The following ENTPD6 variants were observed in gnomAD, a reference collection of about 807,000 sequenced individuals.
ENTPD6 encodes the protein ectonucleoside triphosphate diphosphohydrolase 6, also known as CD39 antigen-like 2.
A neutral mutation model predicts 61.5 loss-of-function variants in ENTPD6; 46 were observed. The observed-to-expected ratio is 0.75, with a 90% confidence interval of 0.59 to 0.96. ENTPD6 has a LOEUF of 0.96. ENTPD6 is among the 40% of genes least tolerant of loss of function. The pLI is 0.00. For synonymous variants in ENTPD6, 252 were observed against 255.5 expected (o/e 0.99, Z 0.13); for missense variants, 612 against 629.0 (o/e 0.97, Z 0.29).
Position 25,215,090 on chromosome 20 carries a change from G to C in ENTPD6, c.673+148G>C, listed in dbSNP as rs1171378594. 2.3e-5 allele frequency: 14 copies of C among 615,326 alleles called. No homozygotes were observed. The East Asian group carries it at 3.8e-4, about 17-fold the overall frequency. 38.1% of individuals were successfully genotyped at this position (615,326 alleles called of 1,614,324 possible). On this transcript the variant is annotated intron_variant, in intron 6 of 14. Transcript: ENST00000376652. ...GATGCTCAAGTAAAGAATCATGGCT[G>C]TTACAGCCCCGTTCTGATTCACAAT...
At position 25,214,929 on chromosome 20, in the gene ENTPD6, C is replaced by T. The variant is rs146741054; in HGVS notation, c.660C>T (p.Asn220=). The T allele has an allele frequency of 6.1e-5, 98 of 1,608,576 alleles. 1 individual carries two copies. The highest frequency in any genetic ancestry group is 1.7e-4 in the Middle Eastern group (1 of 6,040). ...GGGATGACTGTGTTTCCATCATGAA[C>T]GGAACAGATGAAGGTAAATGGCTGG... is the stretch of plus-strand genomic sequence containing the variant. ...LVGDDCVSIM[N]GTDEGVSAWI... Residue 220 remains asparagine (N), a synonymous_variant, in exon 6 of 15, where the codon AAC becomes AAT. Transcript: ENST00000376652.
At chr20:25,217,737 C>T (rs2092397865) in intron 9 of ENTPD6, among the ~76,000 whole-genome samples, 156 bp downstream of exon 9, 1 of 152,082 alleles carries the variant, frequency 6.6e-6, no homozygotes, top group Non-Finnish European at 1.5e-5. Context: ...CCTTCTCCCG[C>T]CTCCTCTGCC....
intron 1 of ENTPD6, chr20:25,196,364 G>T (rs1039826147): frequency 3.0e-5 from 12 of 398,308 alleles, no homozygotes; most frequent in Non-Finnish European, 4.1e-5. Context: ...TGCCCGAGCT[G>T]ACCTGTGAGC....
At position 25,216,642 on chromosome 20, in the gene ENTPD6, C is replaced by A; in HGVS notation, c.710-6C>A. On this transcript the variant is annotated splice_region_variant and splice_polypyrimidine_tract_variant and intron_variant, in intron 7 of 14. Coordinates refer to ENST00000376652, the MANE Select transcript of ENTPD6 (RefSeq NM_001247.5). ...CCCTGTGCTGTTTTTGCTTGCTGTG[C>A]TCCAGGCAGCTTGAAAACTCCAGGA... The A allele has an allele frequency of 6.3e-7, 1 of 1,596,420 alleles. No individual in the cohort carries two copies. The highest frequency in any genetic ancestry group is 8.5e-7 in the Non-Finnish European group (1 of 1,171,566).
chr20:25,217,640 G>A, intron 9 of ENTPD6, 59 bp downstream of exon 9: 2 of 1,411,686 alleles, frequency 1.4e-6, no homozygotes, highest in Non-Finnish European at 2.0e-6. Context: ...AGCTCCCAGG[G>A]CCTCGCATGG....
chr20:25,225,413 C>A, intron 14 of ENTPD6, 86 bp from the exon 15 acceptor site: 1 of 1,579,692 alleles, frequency 6.3e-7, no homozygotes, highest in Non-Finnish European at 8.6e-7. Flanking sequence ...CCAGCCCATC[C>A]CTGGCTTCCA....
In ENTPD6 at chr20:25,196,125, C is replaced by A. The variant is rs2090374446; in HGVS notation, c.-16+258C>A. 6 of 1,203,616 alleles carry A rather than the reference C, an allele frequency of 5.0e-6. No individual in the cohort carries two copies. In the South Asian group the frequency reaches 2.6e-4, roughly 52 times the overall value. The allele number at this position is 1,203,616 out of a possible 1,614,324, so 74.6% of individuals were successfully genotyped here. On this transcript the variant is annotated intron_variant, in intron 1 of 14. Transcript: ENST00000376652. ...AGCAGGGGCCTGTAGCCCCAGGGGG[C>A]CCCAGCCCTGCTGCGTTCATTCATT...
chr20:25,214,668 C>A, intron 5 of ENTPD6, 199 bp from the exon 6 acceptor site: 1 of 580,182 alleles, frequency 1.7e-6, no homozygotes, highest in South Asian at 2.0e-5. Context: ...GATGCAAAAC[C>A]CTTAACCATA....
intron 12 of ENTPD6, 106 bp downstream of exon 12, chr20:25,223,084 T>C (rs920791768): frequency 8.4e-6 from 11 of 1,308,152 alleles, no homozygotes; most frequent in East Asian, 2.4e-5. Context: ...CAAGCAACCC[T>C]GTTGTCACAT....
intron 1 of ENTPD6, chr20:25,197,290 A>G: frequency 1.1e-6 from 1 of 947,654 alleles, no homozygotes. Flanking sequence ...CACCAACAAC[A>G]CTGCTCTACC....
intron 1 of ENTPD6, among the ~76,000 whole-genome samples, chr20:25,204,335 A>G (rs1236102168): frequency 6.6e-6 from 1 of 152,178 alleles, no homozygotes; most frequent in Admixed American, 6.5e-5. Context: ...GCTTAATCTC[A>G]GTACCCTTAA....
In ENTPD6 at chr20:25,226,032, C is replaced by T. The variant is rs574728348; in HGVS notation, c.*435C>T. 8 of 157,134 alleles carry T rather than the reference C, an allele frequency of 5.1e-5. No individual in the cohort carries two copies. The highest frequency in any genetic ancestry group is 1.4e-4 in the African/African-American group (6 of 41,680). The allele number at this position is 157,134 out of a possible 1,614,324, so 9.7% of individuals were successfully genotyped here. On this transcript the variant is annotated 3_prime_UTR_variant, in exon 15 of 15. Transcript: ENST00000376652. ...CCCCTTCCTGCAAGAGTCTGGGAGG[C>T]GGTGCAGGCTGTCCTGGCTGCTCTG...
intron 1 of ENTPD6, 27 bp from the exon 2 acceptor site, chr20:25,206,495 A>G: frequency 6.3e-7 from 1 of 1,576,060 alleles, no homozygotes. Flanking sequence ...CTTTGGAAGT[A>G]CACAGACATT....
At chr20:25,208,599 T>C (rs2091701791) in intron 3 of ENTPD6, among the ~76,000 whole-genome samples, 2 of 152,202 alleles carry the variant, frequency 1.3e-5, no homozygotes, top group Non-Finnish European at 2.9e-5. Flanking sequence ...TTGCAAAAAG[T>C]TTTGTCCCTG....
In ENTPD6 at chr20:25,228,008, T is replaced by C. The variant is rs1288152074; in HGVS notation, c.*2411T>C. On this transcript the variant is annotated 3_prime_UTR_variant, in exon 15 of 15. Coordinates refer to ENST00000376652, the MANE Select transcript of ENTPD6 (RefSeq NM_001247.5). ...GTTCATATCCCTTGCCGATTTTCTA[T>C]AAGATTGTCATCATTTTTTTGTTAA... Among the ~76,000 whole-genome samples, 2 of 152,274 alleles carry C rather than the reference T, an allele frequency of 1.3e-5. No individual in the cohort carries two copies. Among genetic ancestry groups the C allele is most frequent in the African/African-American group, 4.8e-5 (2 of 41,472 alleles).
At chr20:25,207,001 G>C in intron 2 of ENTPD6, 75 bp from the exon 3 acceptor site, 3 of 1,358,356 alleles carry the variant, frequency 2.2e-6, no homozygotes, top group Non-Finnish European at 3.0e-6. Flanking sequence ...TTGTCCCTGG[G>C]CCTGGGGACG....
At chr20:25,198,669 G>A (rs1029652098) in intron 1 of ENTPD6, among the ~76,000 whole-genome samples, 1 of 152,164 alleles carries the variant, frequency 6.6e-6, no homozygotes, top group African/African-American at 2.4e-5. Context: ...GTTATAGTCT[G>A]CTAAGGAAGG....
intron 1 of ENTPD6, among the ~76,000 whole-genome samples, chr20:25,204,376 G>A (rs1000820914): frequency 6.6e-6 from 1 of 152,124 alleles, no homozygotes; most frequent in Admixed American, 6.5e-5. Flanking sequence ...ATAAAAATGT[G>A]TGCCCTTATT....
chr20:25,197,903 G>A (rs2122339478), intron 1 of ENTPD6, among the ~76,000 whole-genome samples: 1 of 152,258 alleles, frequency 6.6e-6, no homozygotes, highest in South Asian at 2.1e-4. Flanking sequence ...GTTCAATTTG[G>A]GGACTGAAGC....
Sources: gnomAD v4.1 joint callset for allele counts (sites outside exome capture counted in the v4.1 genomes callset) on GRCh38, gnomAD v4.1.1 for gene constraint, MANE v1.5 for transcripts, NCBI Gene and HGNC (gene_info 2026-07-23, HGNC 2026-07-21) for gene names.